The following POM121 variants were observed in gnomAD, a reference collection of about 807,000 sequenced individuals.
POM121 encodes POM121 transmembrane nucleoporin, also known as nuclear envelope pore membrane protein POM 121.
Under a neutral mutation model 81.3 loss-of-function variants are expected in POM121, and 32 were observed. The observed-to-expected ratio is 0.39, with a 90% CI of 0.30 to 0.53. The LOEUF (loss-of-function observed/expected upper bound fraction) is 0.53. POM121 is among the 20% of genes least tolerant of loss of function. The probability of loss-of-function intolerance (pLI) is 0.66; values close to 1 mark genes in which losing one functional copy is unlikely to be tolerated. For missense variants in POM121, 1,138 were observed against 1,614.6 expected, an observed-to-expected ratio of 0.70 and a Z score of 5.06; for synonymous variants, 514 against 694.2, an observed-to-expected ratio of 0.74 and a Z score of 4.08.
intron 1 of POM121, among the ~76,000 whole-genome samples, chr7:72,886,057 A>G (rs1207344413): frequency 1.3e-5 from 2 of 151,914 alleles, no homozygotes; most frequent in African/African-American, 2.4e-5. Context: ...GGACACTTCC[A>G]TTTCTCTCCT....
At position 72,898,884 on chromosome 7, in the gene POM121, G is replaced by A. The variant is rs373780597; in HGVS notation, c.-216+7774G>A. Among the ~76,000 whole-genome samples, 23 of 151,612 alleles carry A rather than the reference G, an allele frequency of 1.5e-4. No homozygotes were observed. The East Asian group carries it at 3.1e-3, about 20-fold the overall frequency. On this transcript the variant is annotated intron_variant, in intron 3 of 15. Transcript: ENST00000395270. Reference sequence around the variant, plus strand: ...AACGGGATGAGATACCTGGGAAGGCGTTGTATAGTTTGTCTCCGACTGGCG... The same window carrying A: ...AACGGGATGAGATACCTGGGAAGGCATTGTATAGTTTGTCTCCGACTGGCG...
intron 1 of POM121, among the ~76,000 whole-genome samples, chr7:72,888,078 G>A (rs1485574470): frequency 6.6e-6 from 1 of 152,046 alleles, no homozygotes; most frequent in African/African-American, 2.4e-5. Context: ...TGCCAAGGCT[G>A]GTCTCAAGCT....
upstream of POM121, among the ~76,000 whole-genome samples, chr7:72,921,497 T>C (rs1794816441): frequency 1.3e-5 from 2 of 152,212 alleles, no homozygotes; most frequent in Non-Finnish European, 2.9e-5. Context: ...ACTCCAGCTC[T>C]CTGCACTGCA....
chr7:72,922,001 T>C (rs193176030), upstream of POM121, among the ~76,000 whole-genome samples: 5 of 152,330 alleles, frequency 3.3e-5, no homozygotes, highest in Non-Finnish European at 5.9e-5. Context: ...CAAATTGTGC[T>C]GTTTCATATA....
At chr7:72,939,283 A>G (rs1796827594) in intron 6 of POM121, 53 bp from the exon 7 acceptor site, 1 of 1,597,162 alleles carries the variant, frequency 6.3e-7, no homozygotes, top group African/African-American at 1.3e-5. Context: ...AAATTATTTA[A>G]TACTTCAGCC....
chr7:72,949,672 A>G, downstream of POM121: 6 of 671,108 alleles, frequency 8.9e-6, no homozygotes, highest in South Asian at 8.6e-5. Context: ...CCCAAGGGCT[A>G]AGGGATCCAC....
chr7:72,941,755 G>A, intron 10 of POM121, 82 bp from the exon 11 acceptor site: 1 of 1,542,872 alleles, frequency 6.5e-7, no homozygotes, highest in Non-Finnish European at 8.8e-7. Flanking sequence ...TCTGTGGTAG[G>A]CGTGGGGAGG....
intron 3 of POM121, among the ~76,000 whole-genome samples, chr7:72,910,726 A>G (rs1171993896): frequency 6.6e-6 from 1 of 151,916 alleles, no homozygotes; most frequent in East Asian, 1.9e-4. Context: ...TGTGTAGTCA[A>G]AAGGGCACTG....
At chr7:72,949,088 G>C (rs1797909930), downstream of POM121, 4 of 1,612,092 alleles carry the variant, frequency 2.5e-6, no homozygotes, top group Admixed American at 5.0e-5. Flanking sequence ...TCCTCCAGCT[G>C]TCTGCTCGGC....
intron 3 of POM121, among the ~76,000 whole-genome samples, chr7:72,897,182 AT>A (rs1792050395): frequency 6.6e-6 from 1 of 152,122 alleles, no homozygotes; most frequent in Non-Finnish European, 1.5e-5. Flanking sequence ...AAAATAAAAT[AT>A]ATGTGTCAAA....
At chr7:72,905,557 A>G (rs1468516130) in intron 3 of POM121, among the ~76,000 whole-genome samples, 2 of 152,194 alleles carry the variant, frequency 1.3e-5, no homozygotes, top group Admixed American at 1.3e-4. Context: ...AAAATTCACC[A>G]GGCATGGTGG....
chr7:72,887,412 G>A (rs1166391157), intron 1 of POM121, among the ~76,000 whole-genome samples: 6 of 151,946 alleles, frequency 3.9e-5, no homozygotes, highest in East Asian at 1.9e-4. Flanking sequence ...CATCTGCCTC[G>A]GTTCTTCTTC....
chr7:72,944,571 G>GT (rs1214573285), intron 11 of POM121, among the ~76,000 whole-genome samples: 1 of 152,192 alleles, frequency 6.6e-6, no homozygotes, highest in African/African-American at 2.4e-5. Context: ...CAGCGACACT[G>GT]TGGGTGTAGA....
At chr7:72,950,241 C>G, downstream of POM121, 6 of 1,586,938 alleles carry the variant, frequency 3.8e-6, no homozygotes, top group South Asian at 6.7e-5. Flanking sequence ...GAATTTCTCC[C>G]TGCCAGGCCC....
chr7:72,940,032 A>T, intron 8 of POM121, 64 bp downstream of exon 8: 1 of 1,561,476 alleles, frequency 6.4e-7, no homozygotes, highest in South Asian at 1.2e-5. Flanking sequence ...TAGGAACGCT[A>T]AGGACAAGTT....
chr7:72,887,999 A>G (rs574835117), intron 1 of POM121, among the ~76,000 whole-genome samples: 1 of 152,282 alleles, frequency 6.6e-6, no homozygotes, highest in South Asian at 2.1e-4. Flanking sequence ...AGAAGTCCTC[A>G]TGTCTCTGTC....
chr7:72,879,673 G>A, exon 1 of POM121: 1 of 405,340 alleles, frequency 2.5e-6, no homozygotes, highest in Admixed American at 3.0e-5. Flanking sequence ...GCCGGCCGTC[G>A]CTGTACGGTG....
chr7:72,908,846 A>T (rs1316191087), intron 3 of POM121, among the ~76,000 whole-genome samples: 1 of 152,162 alleles, frequency 6.6e-6, no homozygotes, highest in Non-Finnish European at 1.5e-5. Flanking sequence ...CCTGAACATT[A>T]CTGTTATCCT....
At chr7:72,918,592 C>G (rs1347369268) in intron 4 of POM121, among the ~76,000 whole-genome samples, 1 of 152,104 alleles carries the variant, frequency 6.6e-6, no homozygotes, top group South Asian at 2.1e-4. Context: ...TGCTCAAGAT[C>G]TAGTATAACT....
Sources: allele counts gnomAD v4.1 joint callset (sites outside exome capture counted in the v4.1 genomes callset), GRCh38; gene constraint gnomAD v4.1.1; transcripts MANE v1.5; gene names NCBI Gene and HGNC (gene_info 2026-07-23, HGNC 2026-07-21).